The following SRGAP3 variants were observed in gnomAD, a reference collection of about 807,000 sequenced individuals.
SRGAP3 encodes the protein SLIT-ROBO Rho GTPase-activating protein 3.
A neutral mutation model predicts 121.1 loss-of-function variants in SRGAP3; 39 were observed. The ratio of observed to expected loss-of-function variants is 0.32; its 90% CI spans 0.25 to 0.42. The LOEUF (loss-of-function observed/expected upper bound fraction) is 0.42. Ranked by LOEUF, SRGAP3 falls within the 10% of genes least tolerant of loss-of-function variation. The pLI, the probability that SRGAP3 is intolerant of heterozygous loss-of-function variation, is 1.00. For synonymous variants in SRGAP3, 601 were observed against 570.0 expected (o/e 1.05, Z -0.77); for missense variants, 1,213 against 1,470.6 (o/e 0.82, Z 2.86).
At chr3:9,145,719 T>C (rs540729156) in intron 1 of SRGAP3, among the ~76,000 whole-genome samples, 1 of 151,752 alleles carries the variant, frequency 6.6e-6, no homozygotes, top group East Asian at 1.9e-4. Flanking sequence ...AAGAAGAACA[T>C]CAAGAAGGAA....
At chr3:9,037,992 T>G in intron 11 of SRGAP3, 71 bp downstream of exon 11, 1 of 1,602,344 alleles carries the variant, frequency 6.2e-7, no homozygotes, top group Non-Finnish European at 8.5e-7. Flanking sequence ...CTCCTGGCAG[T>G]GCCTCCCCAG....
chr3:9,286,115 C>CACAA (rs1357310246), intron 3 of SRGAP3, among the ~76,000 whole-genome samples: 1 of 23,796 alleles, frequency 4.2e-5, no homozygotes, highest in African/African-American at 2.4e-4. Context: ...CTATCTCAAA[C>CACAA]ACACACACAC....
At chr3:9,138,799 A>G (rs891194777) in intron 1 of SRGAP3, among the ~76,000 whole-genome samples, 9 of 152,260 alleles carry the variant, frequency 5.9e-5, no homozygotes, top group Admixed American at 5.2e-4. Flanking sequence ...AAAGGTGTAT[A>G]TGAAACAAAT....
intron 18 of SRGAP3, chr3:9,007,741 T>C (rs1438677266): frequency 6.6e-5 from 10 of 152,004 alleles, no homozygotes; most frequent in African/African-American, 2.4e-4. Context: ...ATTTTATAGA[T>C]AAGGAAATAG....
chr3:9,158,099 G>A (rs977671499), intron 1 of SRGAP3, among the ~76,000 whole-genome samples: 2 of 152,212 alleles, frequency 1.3e-5, no homozygotes, highest in Non-Finnish European at 2.9e-5. Context: ...TGTGCTCCAG[G>A]AGCCTGCTCG....
chr3:9,037,998 C>T, intron 11 of SRGAP3, 65 bp downstream of exon 11: 1 of 1,608,424 alleles, frequency 6.2e-7, no homozygotes, highest in Non-Finnish European at 8.5e-7. Flanking sequence ...GCAGTGCCTC[C>T]CCAGCCCCAT....
At chr3:9,028,192 A>G in intron 12 of SRGAP3, 1 of 1,604,176 alleles carries the variant, frequency 6.2e-7, no homozygotes, top group Non-Finnish European at 8.5e-7. Flanking sequence ...TGCAGGAATA[A>G]GATCAGTTAG....
chr3:9,173,032 T>C (rs1295110936), intron 1 of SRGAP3, among the ~76,000 whole-genome samples: 1 of 152,134 alleles, frequency 6.6e-6, no homozygotes, highest in East Asian at 1.9e-4. Context: ...GCATGGCTCG[T>C]GGCCACAAGC....
chr3:9,323,798 A>AACATACACACAC (rs1553574436), intron 3 of SRGAP3, among the ~76,000 whole-genome samples: 4 of 148,888 alleles, frequency 2.7e-5, no homozygotes, highest in East Asian at 3.9e-4. Flanking sequence ...CTGTGTATCT[A>AACATACACACAC]ACACACACAC....
chr3:9,068,466 C>G (rs1433738743), intron 4 of SRGAP3, among the ~76,000 whole-genome samples: 1 of 152,168 alleles, frequency 6.6e-6, no homozygotes, highest in African/African-American at 2.4e-5. Context: ...AAATCCCATG[C>G]TTGGAGAAGA....
Position 8,985,232 on chromosome 3 carries a change from A to G in SRGAP3, c.*287T>C, listed in dbSNP as rs1158744160. 1.9e-6 allele frequency: 1 copy of G among 517,712 alleles called. No homozygotes were observed. Among genetic ancestry groups the G allele is most frequent in the East Asian group, 3.5e-5 (1 of 28,938 alleles). 32.1% of individuals were successfully genotyped at this position (517,712 alleles called of 1,614,324 possible). A position where few individuals can be genotyped will look rare whatever the true frequency, so the allele number is the denominator to read the frequency against. Reference sequence around the variant, plus strand: ...AGTTTCCAGTGACGATATGCGGGAGAAGCCATGTGGTATTTTGCCTCCATG... The same window carrying G: ...AGTTTCCAGTGACGATATGCGGGAGGAGCCATGTGGTATTTTGCCTCCATG... On this transcript the variant is annotated 3_prime_UTR_variant, in exon 22 of 22. Transcript: ENST00000383836. This position sits in a 1 kb window ranked among gnomAD's most constrained non-coding sequence, Gnocchi z 5.1.
intron 1 of SRGAP3, among the ~76,000 whole-genome samples, chr3:9,139,886 T>C (rs1949789558): frequency 1.3e-5 from 2 of 152,140 alleles, no homozygotes; most frequent in Admixed American, 6.5e-5. Flanking sequence ...AAGATTTGCA[T>C]GATCTAGACC....
At chr3:8,986,063 C>T (rs1490106372) in intron 21 of SRGAP3, 131 bp from the exon 22 acceptor site, 2 of 1,530,096 alleles carry the variant, frequency 1.3e-6, no homozygotes, top group Non-Finnish European at 1.8e-6. Flanking sequence ...ATTAAGTCCT[C>T]AGGATGTCTT....
At chr3:9,009,579 C>T (rs1435243088) in intron 18 of SRGAP3, among the ~76,000 whole-genome samples, 1 of 152,044 alleles carries the variant, frequency 6.6e-6, no homozygotes, top group Non-Finnish European at 1.5e-5. Context: ...TACCATGGGC[C>T]CTTGGCACTA....
chr3:9,241,405 C>G (rs1404217952), intron 1 of SRGAP3, among the ~76,000 whole-genome samples: 2 of 152,190 alleles, frequency 1.3e-5, no homozygotes, highest in East Asian at 3.9e-4. Context: ...AATATGAACT[C>G]TCAGATCCAT....
intron 3 of SRGAP3, among the ~76,000 whole-genome samples, chr3:9,294,411 T>C (rs1260933263): frequency 6.6e-6 from 1 of 151,868 alleles, no homozygotes; most frequent in Middle Eastern, 3.2e-3. Context: ...TCAAGAAAAA[T>C]AACTAATAGG....
intron 1 of SRGAP3, among the ~76,000 whole-genome samples, chr3:9,136,423 G>T (rs1338581711): frequency 4.2e-4 from 16 of 38,088 alleles, no homozygotes; most frequent in Admixed American, 7.7e-4. Context: ...GCCCCGCCCC[G>T]CCCCGCGCGC....
Position 8,984,999 on chromosome 3 carries a change from T to C in SRGAP3, c.*520A>G, listed in dbSNP as rs1941600345. The C allele has an allele frequency of 4.4e-6, 1 of 228,654 alleles. No individual in the cohort carries two copies. Among genetic ancestry groups the C allele is most frequent in the Non-Finnish European group, 8.7e-6 (1 of 114,940 alleles). The allele number at this position is 228,654 out of a possible 1,614,324, so 14.2% of individuals were successfully genotyped here. A position where few individuals can be genotyped will look rare whatever the true frequency, so the allele number is the denominator to read the frequency against. ...TGGGAGATGTTTGGTGGCATGGATC[T>C]GAGGTAAATCTAAGTTTCATAAAAA... On this transcript the variant is annotated 3_prime_UTR_variant, in exon 22 of 22. Transcript: ENST00000383836.
intron 1 of SRGAP3, among the ~76,000 whole-genome samples, chr3:9,169,092 T>C (rs1560324360): frequency 6.6e-6 from 1 of 152,194 alleles, no homozygotes; most frequent in African/African-American, 2.4e-5. Flanking sequence ...CGTTCAGCTA[T>C]TGTGTAACCC....
Sources: gnomAD v4.1 joint callset for allele counts (sites outside exome capture counted in the v4.1 genomes callset) on GRCh38, gnomAD v4.1.1 for gene constraint, Gnocchi (gnomAD v3.1) non-coding constraint, MANE v1.5 for transcripts, NCBI Gene and HGNC (gene_info 2026-07-23, HGNC 2026-07-21) for gene names.